Variants in LRRIQ1 observed in about 807,000 individuals in gnomAD.
The protein encoded by LRRIQ1 is leucine-rich repeat- and IQ domain-containing protein 1.
Under a neutral mutation model 211.9 loss-of-function variants are expected in LRRIQ1, and 210 were observed. The ratio of observed to expected loss-of-function variants is 0.99; its 90% CI spans 0.89 to 1.11. The LOEUF is 1.11. Ranked by LOEUF, LRRIQ1 falls within the 50% of genes most tolerant of loss-of-function variation. The pLI is 0.00. For synonymous variants in LRRIQ1, 699 were observed against 650.1 expected (o/e 1.08, Z -1.14); for missense variants, 2,136 against 1,939.5 (o/e 1.10, Z -1.90).
intron 14 of LRRIQ1, among the ~76,000 whole-genome samples, chr12:85,105,411 G>A (rs779299269): frequency 9.2e-5 from 14 of 151,928 alleles, no homozygotes; most frequent in Non-Finnish European, 1.6e-4. Context: ...TATGGATATC[G>A]AATTGTTCTA....
chr12:85,194,675 G>A (rs898377812), intron 24 of LRRIQ1, among the ~76,000 whole-genome samples: 5 of 152,058 alleles, frequency 3.3e-5, no homozygotes, highest in African/African-American at 9.7e-5. Context: ...TCAAAGCAGT[G>A]TGTAGAGGGA....
intron 24 of LRRIQ1, among the ~76,000 whole-genome samples, chr12:85,192,573 A>AAT (rs1294312463): frequency 3.2e-4 from 31 of 97,598 alleles, no homozygotes; most frequent in African/African-American, 8.4e-4. Context: ...ATTATATATA[A>AAT]ATATATAGTT....
At chr12:85,157,714 G>A (rs1011255380) in intron 23 of LRRIQ1, among the ~76,000 whole-genome samples, 1 of 151,790 alleles carries the variant, frequency 6.6e-6, no homozygotes. Flanking sequence ...ATGCAGAAAG[G>A]GAGTGGGTGT....
intron 24 of LRRIQ1, among the ~76,000 whole-genome samples, chr12:85,209,126 C>A (rs1893709072): frequency 6.6e-6 from 1 of 152,164 alleles, no homozygotes; most frequent in Admixed American, 6.6e-5. Flanking sequence ...CTTAACTTTT[C>A]TCAATCTCAT....
At chr12:85,159,871 A>G in intron 23 of LRRIQ1, among the ~76,000 whole-genome samples, 1 of 152,106 alleles carries the variant, frequency 6.6e-6, no homozygotes, top group Middle Eastern at 3.4e-3. Flanking sequence ...ACATTTAATA[A>G]CACCTGAGAT....
intron 24 of LRRIQ1, among the ~76,000 whole-genome samples, chr12:85,225,761 T>C (rs1894620630): frequency 6.6e-6 from 1 of 152,184 alleles, no homozygotes; most frequent in Non-Finnish European, 1.5e-5. Flanking sequence ...CTGGGCAGCC[T>C]AACTGGAAAC....
chr12:85,171,384 AG>A (rs1398324221), intron 24 of LRRIQ1, among the ~76,000 whole-genome samples: 4 of 152,192 alleles, frequency 2.6e-5, no homozygotes, highest in Admixed American at 2.6e-4. Flanking sequence ...GTGAAGAAAA[AG>A]CTGAAGTTGT....
At chr12:85,237,187 C>G (rs1895228874) in intron 26 of LRRIQ1, among the ~76,000 whole-genome samples, 1 of 151,750 alleles carries the variant, frequency 6.6e-6, no homozygotes, top group South Asian at 2.1e-4. Context: ...TTTATAAAAC[C>G]TGGATAAAAT....
intron 12 of LRRIQ1, 62 bp downstream of exon 12, chr12:85,098,610 C>A: frequency 7.4e-7 from 1 of 1,348,524 alleles, no homozygotes; most frequent in Non-Finnish European, 1.0e-6. Context: ...GATAGAAATA[C>A]CAATCACATA....
chr12:85,047,261 A>G lies in LRRIQ1; in HGVS notation c.469A>G (p.Asn157Asp), dbSNP rs765290301. ...EHVLPDDADI[N>D]FGYCEVEEKC... ...CATGAGTGCAGATGATGCTGATATAAATTTTGGATACTGTGAAGTGGAAGA... is the reference window on the plus strand; with the variant it reads ...CATGAGTGCAGATGATGCTGATATAGATTTTGGATACTGTGAAGTGGAAGA... The change falls in exon 6 of 27, where the codon AAT becomes GAT. Residue 157 changes from asparagine to aspartate, a missense_variant. Physicochemically the swap from Asn to Asp is conservative, Grantham distance 23. Transcript: ENST00000393217. 6.9e-6 allele frequency: 11 copies of G among 1,590,544 alleles called. No individual in the cohort carries two copies. In the South Asian group the frequency reaches 9.4e-5, roughly 14 times the overall value.
At chr12:85,201,226 TTTTC>T (rs1030362064) in intron 24 of LRRIQ1, among the ~76,000 whole-genome samples, 1 of 151,612 alleles carries the variant, frequency 6.6e-6, no homozygotes, top group Non-Finnish European at 1.5e-5. Flanking sequence ...TGGCCTGATG[TTTTC>T]TTTCTTTCTC....
At chr12:85,221,092 G>T (rs1220764883) in intron 24 of LRRIQ1, among the ~76,000 whole-genome samples, 1 of 151,988 alleles carries the variant, frequency 6.6e-6, no homozygotes, top group Non-Finnish European at 1.5e-5. Flanking sequence ...AATTACAGAC[G>T]TGAGCCACCA....
At chr12:85,051,885 C>A (rs183384751) in intron 6 of LRRIQ1, among the ~76,000 whole-genome samples, 2 of 152,180 alleles carry the variant, frequency 1.3e-5, no homozygotes, top group Middle Eastern at 3.4e-3. Context: ...TTTTACAATG[C>A]CTAACAGTGT....
intron 6 of LRRIQ1, among the ~76,000 whole-genome samples, chr12:85,051,239 C>CA (rs1565787303): frequency 1.3e-5 from 2 of 152,046 alleles, no homozygotes. Context: ...ATTTCTCTTC[C>CA]ACCGTGAGTA....
rs2660456 is a variant in LRRIQ1, at chr12:85,175,539, G to A, written c.4822+14825G>A. On this transcript the variant is annotated intron_variant, in intron 24 of 26. Transcript: ENST00000393217. ...TTAAATCTAAATAATCATTGGCTTC[G>A]TTCAGGGGTTTTAACAATAATAAGA... 4.4e-3 allele frequency among the ~76,000 whole-genome samples: 675 copies of A among 152,234 alleles called. 2 individuals carry two copies. The highest frequency in any genetic ancestry group is 0.015 in the African/African-American group (642 of 41,560).
intron 11 of LRRIQ1, among the ~76,000 whole-genome samples, chr12:85,076,066 T>C: frequency 6.6e-6 from 1 of 152,222 alleles, no homozygotes; most frequent in South Asian, 2.1e-4. Context: ...ATTACTACTA[T>C]TTTTATACTA....
At chr12:85,148,097 G>A (rs1890008858) in intron 19 of LRRIQ1, among the ~76,000 whole-genome samples, 1 of 151,700 alleles carries the variant, frequency 6.6e-6, no homozygotes, top group Non-Finnish European at 1.5e-5. Flanking sequence ...TAATTCTCAA[G>A]TAGCTAGAAA....
chr12:85,232,729 A>G lies in LRRIQ1; in HGVS notation c.4989A>G (p.Val1663=). 1 of 1,612,942 alleles carries G rather than the reference A, an allele frequency of 6.2e-7. No homozygotes were observed. Among genetic ancestry groups the G allele is most frequent in the Non-Finnish European group, 8.5e-7 (1 of 1,179,312 alleles). ...TTTTGCCTGAGTTAGATCCAGATGT[A>G]CTTAATGGTGGAAGAGTTCAGCTTG... ...NHFLPELDPD[V]LNGGRVQLVA... The change falls in exon 26 of 27, where the codon GTA becomes GTG. Residue 1663 remains valine (V), a synonymous_variant. Transcript: ENST00000393217.
chr12:85,102,531 C>G (rs187464081), intron 13 of LRRIQ1, among the ~76,000 whole-genome samples: 7 of 151,672 alleles, frequency 4.6e-5, no homozygotes, highest in African/African-American at 1.7e-4. Context: ...CTCATTATAT[C>G]ATCTACTTTT....
Sources: gnomAD v4.1 joint callset for allele counts (sites outside exome capture counted in the v4.1 genomes callset) on GRCh38, gnomAD v4.1.1 for gene constraint, MANE v1.5 for transcripts, NCBI Gene and HGNC (gene_info 2026-07-23, HGNC 2026-07-21) for gene names.